Variants in MED8 observed in about 807,000 individuals in gnomAD.
MED8 encodes the protein mediator of RNA polymerase II transcription subunit 8.
MED8 carries 22 observed loss-of-function variants against 34.8 expected under a neutral mutation model. The ratio of observed to expected loss-of-function variants is 0.63; its 90% confidence interval spans 0.45 to 0.90. The LOEUF (loss-of-function observed/expected upper bound fraction) is 0.90. MED8 is among the 40% of genes least tolerant of loss of function. The pLI is 0.00. For missense variants in MED8, 260 were observed against 326.3 expected, an observed-to-expected ratio of 0.80 and a Z score of 1.57; for synonymous variants, 105 against 120.2, an observed-to-expected ratio of 0.87 and a Z score of 0.83.
At chr1:43,385,760 G>A in intron 6 of MED8, 1 of 622,022 alleles carries the variant, frequency 1.6e-6, no homozygotes, top group South Asian at 2.0e-5. Context: ...AGAAATTGGA[G>A]CAGTTTCTGT....
Position 43,386,993 on chromosome 1 carries a change from C to A in MED8, c.276G>T (p.Gln92His), listed in dbSNP as rs972346557. The A allele has an allele frequency of 3.1e-6, 5 of 1,613,862 alleles. No homozygotes were observed. Among genetic ancestry groups the A allele is most frequent in the Non-Finnish European group, 3.4e-6 (4 of 1,179,860 alleles). Residue 92 changes from glutamine to histidine, a missense_variant, in exon 4 of 7, where the codon CAG (glutamine) becomes CAT (histidine). Transcript: ENST00000372457. This position sits in a 1 kb window ranked among gnomAD's most constrained non-coding sequence, Gnocchi z 4.9. The stretch of plus-strand genomic sequence containing the variant: ...TGAAAACAGGCACCCGTCCTTCAGT[C>A]TGCCGCTGTAACACACAGATTTTAT... ...SPDRDEDLMR[Q>H]TEGRVPVFSH...
In MED8 at chr1:43,384,910, G is replaced by A; in HGVS notation, c.*132C>T. 1 of 1,439,602 alleles carries A rather than the reference G, an allele frequency of 6.9e-7. No individual in the cohort carries two copies. The highest frequency in any genetic ancestry group is 9.1e-7 in the Non-Finnish European group (1 of 1,095,636). 89.2% of individuals were successfully genotyped at this position (1,439,602 alleles called of 1,614,324 possible). A position where few individuals can be genotyped will look rare whatever the true frequency, so the allele number is the denominator to read the frequency against. ...AAGGTCACACAGCTAGTCAGTGGTG[G>A]AAGTGGGATTTGTCTGCTGCTGAAA... On this transcript the variant is annotated 3_prime_UTR_variant, in exon 7 of 7. Coordinates refer to ENST00000372457, the MANE Select transcript of MED8 (RefSeq NM_201542.5).
rs377681951 is a variant in MED8, at chr1:43,389,440, CCTT to C, written c.6+316_6+318del. On this transcript the variant is annotated intron_variant, in intron 1 of 6. Transcript: ENST00000372457. ...GGACAGGGCCTGAGCCAACCCACCA[CCTT>C]CTTGAGCCGTCTTCCTTGGACTGCA... Among the ~76,000 whole-genome samples the C allele has an allele frequency of 7.0e-3, 1,062 of 152,332 alleles. 7 individuals are homozygous for C. The highest frequency in any genetic ancestry group is 0.012 in the Non-Finnish European group (844 of 68,032).
chr1:43,388,313 G>T lies in MED8; in HGVS notation c.122C>A (p.Thr41Asn), dbSNP rs776411045. 1 of 1,613,044 alleles carries T rather than the reference G, an allele frequency of 6.2e-7. No individual in the cohort carries two copies. Among genetic ancestry groups the T allele is most frequent in the Non-Finnish European group, 8.5e-7 (1 of 1,179,868 alleles). ...AGCTTGCCCTGGTAACTCTTACCAG[G>T]TCAGCCGGCCATACTCGTTCTCCAA... Reference protein sequence around the residue: ...CKLENEYGRLTWPSVLDSFAL... With the variant: ...CKLENEYGRLNWPSVLDSFAL... The change falls in exon 2 of 7, where the codon ACC becomes AAC. Residue 41 changes from threonine (T) to asparagine (N), a missense_variant. Coordinates refer to ENST00000372457, the MANE Select transcript of MED8 (RefSeq NM_201542.5).
chr1:43,385,208 T>C, intron 6 of MED8, 102 bp from the exon 7 acceptor site: 1 of 1,437,822 alleles, frequency 7.0e-7, no homozygotes, highest in Admixed American at 2.2e-5. Flanking sequence ...CTTTATCATC[T>C]CAGAACCTCT....
chr1:43,385,552 AAG>A (rs1647698411), intron 6 of MED8: 1 of 244,444 alleles, frequency 4.1e-6, no homozygotes, highest in Admixed American at 5.1e-5. Flanking sequence ...AGCCAAGAGC[AAG>A]AGAGGCAGGA....
intron 1 of MED8, 150 bp from the exon 2 acceptor site, chr1:43,388,578 G>A (rs996780043): frequency 3.9e-5 from 53 of 1,350,010 alleles, no homozygotes; most frequent in African/African-American, 3.1e-4. Flanking sequence ...TCTATCTTTG[G>A]TATTTGGGTT....
At position 43,386,733 on chromosome 1, in the gene MED8, C is replaced by A; in HGVS notation, c.412-63G>T. 1 of 1,589,130 alleles carries A rather than the reference C, an allele frequency of 6.3e-7. No homozygotes were observed. The highest frequency in any genetic ancestry group is 8.6e-7 in the Non-Finnish European group (1 of 1,166,388). ...AGGAAACGATATGGAGAAATTTATTCCTTGGGTTCTGCCAGAAGCAACTTA... is the reference window on the plus strand; with the variant it reads ...AGGAAACGATATGGAGAAATTTATTACTTGGGTTCTGCCAGAAGCAACTTA... On this transcript the variant is annotated intron_variant, in intron 4 of 6. Coordinates refer to ENST00000372457, the MANE Select transcript of MED8 (RefSeq NM_201542.5). The surrounding 1 kb of genome is among the most constrained non-coding windows in gnomAD (Gnocchi z 4.9).
intron 2 of MED8, 55 bp downstream of exon 2, chr1:43,388,255 G>T: frequency 1.3e-6 from 2 of 1,525,248 alleles, no homozygotes; most frequent in South Asian, 2.3e-5. Context: ...TATTCATCAG[G>T]AGGCTAGGCC....
At chr1:43,388,240 T>G in intron 2 of MED8, 70 bp downstream of exon 2, 1 of 1,393,326 alleles carries the variant, frequency 7.2e-7, no homozygotes, top group Non-Finnish European at 1.0e-6. Flanking sequence ...TCATTAGAAA[T>G]GTCCTATTCA....
Position 43,384,497 on chromosome 1 carries a change from G to A in MED8, c.*545C>T. 1 of 1,611,550 alleles carries A rather than the reference G, an allele frequency of 6.2e-7. No homozygotes were observed. Among genetic ancestry groups the A allele is most frequent in the Non-Finnish European group, 8.5e-7 (1 of 1,178,846 alleles). On this transcript the variant is annotated 3_prime_UTR_variant, in exon 7 of 7. Transcript: ENST00000372457. ...TTTTTTTTTCCTTCCTGGCCCAGAAGCTTCTTCACCTTGCGCCTTAGAGGG... is the reference window on the plus strand; with the variant it reads ...TTTTTTTTTCCTTCCTGGCCCAGAAACTTCTTCACCTTGCGCCTTAGAGGG...
chr1:43,387,596 CAG>C lies in MED8; in HGVS notation c.175_176del (p.Leu59GlufsTer7). On this transcript the variant is annotated frameshift_variant, in exon 3 of 7. Transcript: ENST00000372457. LOFTEE classifies it high-confidence loss of function. ...FALLSGQLNT[L>X]NKVLKHEKTP... ...TTTTTTCATGCTTCAAGACCTTGTT[CAG>C]AGTGTTCAGCTGTCCAGAAAGCAAG... The C allele has an allele frequency of 1.2e-6, 2 of 1,613,978 alleles. No individual in the cohort carries two copies. Among genetic ancestry groups the C allele is most frequent in the Non-Finnish European group, 1.7e-6 (2 of 1,179,900 alleles).
At chr1:43,385,154 T>C in intron 6 of MED8, 48 bp from the exon 7 acceptor site, 1 of 1,546,220 alleles carries the variant, frequency 6.5e-7, no homozygotes, top group Non-Finnish European at 8.7e-7. Context: ...AAGACTTTCA[T>C]GACAAATCAG....
chr1:43,388,421 T>C lies in MED8; in HGVS notation c.14A>G (p.Glu5Gly). Reference sequence around the variant, plus strand: ...ATCTAATGATGCCTCAAGCTGCTTCTCCTCTCTCTGCACCAATAGGAACAG... The same window carrying C: ...ATCTAATGATGCCTCAAGCTGCTTCCCCTCTCTCTGCACCAATAGGAACAG... MQREEKQLEASLDAL... is the reference protein window; with the variant it reads MQREGKQLEASLDAL... The change falls in exon 2 of 7, where the codon GAG becomes GGG. Residue 5 changes from glutamate to glycine, a missense_variant. Coordinates refer to ENST00000372457, the MANE Select transcript of MED8 (RefSeq NM_201542.5). The C allele has an allele frequency of 6.2e-7, 1 of 1,613,424 alleles. No homozygotes were observed. Among genetic ancestry groups the C allele is most frequent in the Non-Finnish European group, 8.5e-7 (1 of 1,179,870 alleles).
At position 43,384,462 on chromosome 1, in the gene MED8, C is replaced by T; in HGVS notation, c.*580G>A. On this transcript the variant is annotated 3_prime_UTR_variant, in exon 7 of 7. Transcript: ENST00000372457. ...GCAGGCCCAAGCTTCACCAGAGCTG[C>T]AGGTGGGCATTTTTTTTTCCTTCCT... 6.2e-7 allele frequency: 1 copy of T among 1,604,056 alleles called. No individual in the cohort carries two copies. Among genetic ancestry groups the T allele is most frequent in the Non-Finnish European group, 8.5e-7 (1 of 1,175,268 alleles).
At position 43,388,389 on chromosome 1, in the gene MED8, G is replaced by A. The variant is rs1647842959; in HGVS notation, c.46C>T (p.Leu16=). The A allele has an allele frequency of 6.2e-7, 1 of 1,613,614 alleles. No individual in the cohort carries two copies. ...TTCTTCAGATCAGCCACTTGACTCAGCAGTGCATCTAATGATGCCTCAAGC... is the reference window on the plus strand; with the variant it reads ...TTCTTCAGATCAGCCACTTGACTCAACAGTGCATCTAATGATGCCTCAAGC... ...KQLEASLDAL[L]SQVADLKNSL... Residue 16 remains leucine (L), a synonymous_variant, in exon 2 of 7, where the codon CTG becomes TTG. Coordinates refer to ENST00000372457, the MANE Select transcript of MED8 (RefSeq NM_201542.5).
chr1:43,384,487 T>C lies in MED8; in HGVS notation c.*555A>G. 2 of 1,610,612 alleles carry C rather than the reference T, an allele frequency of 1.2e-6. No homozygotes were observed. Among genetic ancestry groups the C allele is most frequent in the East Asian group, 2.2e-5 (1 of 44,826 alleles). ...CAGGTGGGCATTTTTTTTTCCTTCC[T>C]GGCCCAGAAGCTTCTTCACCTTGCG... is the stretch of plus-strand genomic sequence containing the variant. On this transcript the variant is annotated 3_prime_UTR_variant, in exon 7 of 7. Coordinates refer to ENST00000372457, the MANE Select transcript of MED8 (RefSeq NM_201542.5).
chr1:43,387,151 A>C (rs1050506811), intron 3 of MED8, among the ~76,000 whole-genome samples, 153 bp from the exon 4 acceptor site: 1 of 151,760 alleles, frequency 6.6e-6, no homozygotes, highest in Non-Finnish European at 1.5e-5. Flanking sequence ...ACTCTCCTTT[A>C]CTCCATCCTT....
At chr1:43,389,656 C>T in intron 1 of MED8, 103 bp downstream of exon 1, 2 of 1,509,562 alleles carry the variant, frequency 1.3e-6, no homozygotes, top group Non-Finnish European at 8.9e-7. Flanking sequence ...GTGGGTTCTG[C>T]CCTCTCTTCT....
Sources: allele counts gnomAD v4.1 joint callset (sites outside exome capture counted in the v4.1 genomes callset), GRCh38; gene constraint gnomAD v4.1.1; non-coding constraint Gnocchi (gnomAD v3.1); transcripts MANE v1.5; gene names NCBI Gene and HGNC (gene_info 2026-07-23, HGNC 2026-07-21).